The following L3MBTL4 variants were observed in gnomAD, a reference collection of about 807,000 sequenced individuals.
L3MBTL4 encodes the protein lethal(3)malignant brain tumor-like protein 4.
L3MBTL4 carries 70 observed loss-of-function variants against 84.5 expected under a neutral mutation model. That is an observed-to-expected ratio of 0.83 (90% confidence interval 0.68 to 1.01). The LOEUF is 1.01. L3MBTL4 is among the 50% of genes least tolerant of loss of function. The probability of loss-of-function intolerance (pLI) is 0.00; values close to 1 mark genes in which losing one functional copy is unlikely to be tolerated. For synonymous variants in L3MBTL4, 274 were observed against 259.8 expected (o/e 1.05, Z -0.52); for missense variants, 715 against 754.8 (o/e 0.95, Z 0.62).
chr18:5,958,464 C>T (rs1179995128), intron 18 of L3MBTL4, among the ~76,000 whole-genome samples: 2 of 152,164 alleles, frequency 1.3e-5, no homozygotes, highest in African/African-American at 2.4e-5. Flanking sequence ...TGTCCAAATA[C>T]CCCATTGTCC....
intron 12 of L3MBTL4, among the ~76,000 whole-genome samples, chr18:6,212,236 G>C (rs2046139578): frequency 6.6e-6 from 1 of 152,104 alleles, no homozygotes; most frequent in Non-Finnish European, 1.5e-5. Flanking sequence ...CTATTGCCAA[G>C]CTGGACACTC....
intron 16 of L3MBTL4, among the ~76,000 whole-genome samples, chr18:6,048,457 G>A (rs1380482305): frequency 6.6e-6 from 1 of 152,084 alleles, no homozygotes; most frequent in East Asian, 1.9e-4. Flanking sequence ...AAAACTGGAG[G>A]CATCACATTA....
At chr18:6,231,619 T>C (rs1336135852) in intron 10 of L3MBTL4, among the ~76,000 whole-genome samples, 1 of 152,162 alleles carries the variant, frequency 6.6e-6, no homozygotes, top group Non-Finnish European at 1.5e-5. Context: ...TACAAATCTT[T>C]TACTTCTTGG....
intron 16 of L3MBTL4, among the ~76,000 whole-genome samples, chr18:6,014,391 A>G (rs2054868522): frequency 6.6e-6 from 1 of 152,188 alleles, no homozygotes; most frequent in African/African-American, 2.4e-5. Context: ...GTTACTGAGC[A>G]CACAATTATG....
chr18:6,172,192 C>T (rs1168195438), intron 12 of L3MBTL4, among the ~76,000 whole-genome samples: 1 of 152,148 alleles, frequency 6.6e-6, no homozygotes, highest in African/African-American at 2.4e-5. Context: ...TGACCAGAAT[C>T]TGAAGAAGTA....
At chr18:6,250,216 C>T (rs1224903719) in intron 5 of L3MBTL4, among the ~76,000 whole-genome samples, 1 of 152,104 alleles carries the variant, frequency 6.6e-6, no homozygotes, top group Non-Finnish European at 1.5e-5. Context: ...CACCTCTTGA[C>T]AAAAGCAGGT....
At chr18:6,250,235 T>C (rs903349068) in intron 5 of L3MBTL4, among the ~76,000 whole-genome samples, 10 of 152,304 alleles carry the variant, frequency 6.6e-5, no homozygotes, top group South Asian at 6.2e-4. Flanking sequence ...GTACAAATTA[T>C]ATACTATTAT....
Position 6,133,333 on chromosome 18 carries a change from T to TCACACACACACACACACA in L3MBTL4, c.1199+4843_1199+4860dup, listed in dbSNP as rs71699994. Among the ~76,000 whole-genome samples the TCACACACACACACACACA allele has an allele frequency of 2.6e-3, 381 of 146,774 alleles. 4 individuals carry two copies. Among genetic ancestry groups the TCACACACACACACACACA allele is most frequent in the African/African-American group, 9.2e-3 (367 of 39,794 alleles). Reference sequence around the variant, plus strand: ...CCATAGTGGGTGTTACAGCTCTAGATCACACACACACACACACACACACAC... The same window carrying TCACACACACACACACACA: ...CCATAGTGGGTGTTACAGCTCTAGATCACACACACACACACACACACACACACACACACACACACACAC... On this transcript the variant is annotated intron_variant, in intron 14 of 18. Transcript: ENST00000317931.
chr18:6,133,614 G>A (rs1424740042), intron 14 of L3MBTL4, among the ~76,000 whole-genome samples: 1 of 152,114 alleles, frequency 6.6e-6, no homozygotes, highest in East Asian at 1.9e-4. Context: ...AAAAAATGTG[G>A]GTAGCTAGGC....
At chr18:6,238,110 T>C (rs2047292869) in intron 9 of L3MBTL4, 70 bp from the exon 10 acceptor site, 7 of 1,326,282 alleles carry the variant, frequency 5.3e-6, no homozygotes, top group Non-Finnish European at 7.6e-6. Flanking sequence ...AGAGTAACAA[T>C]CATTCTGGAT....
chr18:6,230,668 C>G (rs1052395503), intron 10 of L3MBTL4, among the ~76,000 whole-genome samples: 11 of 152,180 alleles, frequency 7.2e-5, no homozygotes, highest in Non-Finnish European at 1.6e-4. Flanking sequence ...AATCACTACA[C>G]TGCTTTCCAC....
At chr18:6,064,197 T>G (rs529131024) in intron 16 of L3MBTL4, among the ~76,000 whole-genome samples, 1 of 152,124 alleles carries the variant, frequency 6.6e-6, no homozygotes, top group Non-Finnish European at 1.5e-5. Context: ...GGGTTCTCTA[T>G]TCAGTTCCAT....
intron 1 of L3MBTL4, among the ~76,000 whole-genome samples, chr18:6,368,966 C>T (rs1294828773): frequency 2.0e-5 from 3 of 151,416 alleles, no homozygotes; most frequent in African/African-American, 4.9e-5. Flanking sequence ...CAATTGAACT[C>T]GGAAGGTGGA....
intron 8 of L3MBTL4, among the ~76,000 whole-genome samples, chr18:6,240,371 A>G (rs1399849257): frequency 6.6e-6 from 1 of 150,796 alleles, no homozygotes; most frequent in Non-Finnish European, 1.5e-5. Context: ...TACATGCTTA[A>G]ATAAAATTAT....
intron 16 of L3MBTL4, among the ~76,000 whole-genome samples, chr18:5,977,609 C>T (rs373368683): frequency 5.9e-5 from 9 of 152,230 alleles, no homozygotes; most frequent in South Asian, 2.1e-4. Context: ...GAGGCAGTCA[C>T]GACTCTAGGA....
Position 6,317,136 on chromosome 18 carries a change from C to T in L3MBTL4, c.-90-5080G>A, listed in dbSNP as rs374903340. On this transcript the variant is annotated intron_variant, in intron 1 of 18. Transcript: ENST00000317931. ...CTGAGCACATTGTTACTACAAGAGG[C>T]GTCTGGGAAAGCCACAATACAAAGA... Among the ~76,000 whole-genome samples, 6 of 152,014 alleles carry T rather than the reference C, an allele frequency of 3.9e-5. No homozygotes were observed. In the East Asian group the frequency reaches 7.7e-4, roughly 20 times the overall value.
At chr18:6,069,198 G>C (rs1337659882) in intron 16 of L3MBTL4, among the ~76,000 whole-genome samples, 1 of 152,220 alleles carries the variant, frequency 6.6e-6, no homozygotes, top group Non-Finnish European at 1.5e-5. Context: ...TACAATTGCA[G>C]TGAACTTGCC....
chr18:6,111,506 T>C (rs2059194591), intron 14 of L3MBTL4, among the ~76,000 whole-genome samples: 1 of 152,096 alleles, frequency 6.6e-6, no homozygotes, highest in African/African-American at 2.4e-5. Context: ...CACTTGCATA[T>C]TGAGGTTCCA....
chr18:6,010,214 A>G (rs980817695), intron 16 of L3MBTL4, among the ~76,000 whole-genome samples: 5 of 152,180 alleles, frequency 3.3e-5, no homozygotes, highest in African/African-American at 1.2e-4. Context: ...TAAGACAGGC[A>G]TTAAAATATA....
Sources: gnomAD v4.1 joint callset for allele counts (sites outside exome capture counted in the v4.1 genomes callset) on GRCh38, gnomAD v4.1.1 for gene constraint, MANE v1.5 for transcripts, NCBI Gene and HGNC (gene_info 2026-07-23, HGNC 2026-07-21) for gene names.